SYNPO2: variants seen among roughly 807,000 people sequenced by gnomAD.
SYNPO2 encodes the protein synaptopodin-2.
SYNPO2 carries 56 observed loss-of-function variants against 85.0 expected under a neutral mutation model. That is an observed-to-expected ratio of 0.66 (90% CI 0.53 to 0.82). The LOEUF is 0.82. SYNPO2 is among the 40% of genes least tolerant of loss of function. The pLI, the probability that SYNPO2 is intolerant of heterozygous loss-of-function variation, is 0.00. For synonymous variants in SYNPO2, 602 were observed against 591.1 expected, an observed-to-expected ratio of 1.02 and a Z score of -0.27; for missense variants, 1,575 against 1,534.2, an observed-to-expected ratio of 1.03 and a Z score of -0.44.
chr4:118,975,655 G>A (rs943537804), intron 1 of SYNPO2, among the ~76,000 whole-genome samples: 3 of 152,172 alleles, frequency 2.0e-5, no homozygotes, highest in Non-Finnish European at 4.4e-5. Flanking sequence ...GTCACAAAGA[G>A]TAAGACACAC....
intron 1 of SYNPO2, among the ~76,000 whole-genome samples, chr4:118,942,618 A>C (rs62327794): frequency 0.1 from 15,758 of 152,160 alleles, 910 homozygotes; most frequent in East Asian, 0.15. Context: ...CTATAAAGAG[A>C]ATGACTCATC....
chr4:118,896,024 C>T (rs1251537701), intron 1 of SYNPO2, among the ~76,000 whole-genome samples: 2 of 151,966 alleles, frequency 1.3e-5, no homozygotes, highest in Admixed American at 6.6e-5. Context: ...AAAACTGATC[C>T]TGAAAAATAA....
chr4:119,022,738 TTA>T (rs1737783471), intron 1 of SYNPO2, among the ~76,000 whole-genome samples: 1 of 146,948 alleles, frequency 6.8e-6, no homozygotes, highest in Admixed American at 6.9e-5. Flanking sequence ...TTATTTTATT[TTA>T]TGTTTTATTT....
chr4:118,876,345 C>T (rs1731906842), intron 1 of SYNPO2, among the ~76,000 whole-genome samples: 1 of 152,200 alleles, frequency 6.6e-6, no homozygotes, highest in Admixed American at 6.5e-5. Context: ...ATTTGTGTCT[C>T]AGCTCAGGGA....
intron 1 of SYNPO2, among the ~76,000 whole-genome samples, chr4:118,874,209 A>G (rs1731857133): frequency 1.3e-5 from 2 of 152,302 alleles, no homozygotes; most frequent in South Asian, 2.1e-4. Context: ...ATTTGACATT[A>G]TAAATGTAAA....
intron 1 of SYNPO2, among the ~76,000 whole-genome samples, chr4:118,941,826 G>A (rs768563946): frequency 6.6e-6 from 1 of 152,224 alleles, no homozygotes; most frequent in Non-Finnish European, 1.5e-5. Context: ...CATTCAGAAA[G>A]CAGAAAAGAA....
At chr4:119,032,557 T>C in intron 4 of SYNPO2, 1 of 996,792 alleles carries the variant, frequency 1.0e-6, no homozygotes, top group Non-Finnish European at 1.2e-6. Context: ...TCTGTCAATC[T>C]CAGCCACCTG....
At chr4:118,922,203 T>A (rs931659286) in intron 1 of SYNPO2, among the ~76,000 whole-genome samples, 1 of 152,138 alleles carries the variant, frequency 6.6e-6, no homozygotes, top group Admixed American at 6.6e-5. Flanking sequence ...CAGTGAACCA[T>A]GTGTAGATTT....
chr4:119,027,257 A>C lies in SYNPO2; in HGVS notation c.888A>C (p.Thr296=). 1 of 1,614,140 alleles carries C rather than the reference A, an allele frequency of 6.2e-7. No individual in the cohort carries two copies. The highest frequency in any genetic ancestry group is 8.5e-7 in the Non-Finnish European group (1 of 1,180,024). ...VILDCSDRQK[T]EGCRLQAGKE... The stretch of plus-strand genomic sequence containing the variant: ...TCGACTGCTCTGACAGGCAGAAGAC[A>C]GAAGGGTGCAGGCTTCAGGCAGGAA... The change falls in exon 3 of 5, where the codon ACA becomes ACC. Residue 296 remains threonine, a synonymous_variant. Coordinates refer to ENST00000307142, the MANE Select transcript of SYNPO2 (RefSeq NM_133477.3).
At chr4:119,015,269 A>T (rs1398422469) in intron 1 of SYNPO2, among the ~76,000 whole-genome samples, 2 of 152,228 alleles carry the variant, frequency 1.3e-5, no homozygotes, top group Non-Finnish European at 2.9e-5. Context: ...AATAACTGCA[A>T]GTCCGCAGCA....
rs66895824 is a variant in SYNPO2, at chr4:119,007,216, G to GTATATATATATATA, written c.106-16198_106-16185dup. 8.9e-4 allele frequency among the ~76,000 whole-genome samples: 41 copies of GTATATATATATATA among 46,254 alleles called. 1 individual carries two copies. The highest frequency in any genetic ancestry group is 1.3e-3 in the Non-Finnish European group (30 of 23,132). The allele number at this position is 46,254 out of a possible 152,430, so 30.3% of individuals were successfully genotyped here. On this transcript the variant is annotated intron_variant, in intron 1 of 4. Coordinates refer to ENST00000307142, the MANE Select transcript of SYNPO2 (RefSeq NM_133477.3). ...ATTCCCAAAACAAAAAAGAACAAAG[G>GTATATATATATATA]TATATATATATATATATATATATAT...
At chr4:118,978,150 A>G (rs1030127806) in intron 1 of SYNPO2, among the ~76,000 whole-genome samples, 2 of 152,214 alleles carry the variant, frequency 1.3e-5, no homozygotes, top group African/African-American at 4.8e-5. Context: ...TTCTAGTTGC[A>G]ACTTGCTTCT....
At chr4:119,037,031 C>T (rs986873223) in intron 4 of SYNPO2, 19 of 1,381,526 alleles carry the variant, frequency 1.4e-5, no homozygotes, top group Non-Finnish European at 1.7e-5. Flanking sequence ...TTTTTTGGTT[C>T]CAAATGTAAA....
intron 4 of SYNPO2, chr4:119,037,468 C>A: frequency 9.5e-7 from 1 of 1,056,360 alleles, no homozygotes; most frequent in Non-Finnish European, 1.1e-6. Flanking sequence ...TTTCATTTGT[C>A]TTTTCTTCAG....
intron 1 of SYNPO2, among the ~76,000 whole-genome samples, chr4:119,020,417 A>G (rs559182573): frequency 3.4e-4 from 52 of 152,296 alleles, no homozygotes; most frequent in Middle Eastern, 6.8e-3. Context: ...AGGATGATGA[A>G]CTGCACTTTT....
intron 1 of SYNPO2, among the ~76,000 whole-genome samples, chr4:118,910,080 G>T (rs1733085888): frequency 6.6e-6 from 1 of 152,108 alleles, no homozygotes; most frequent in Admixed American, 6.5e-5. Context: ...CTAAAGTATT[G>T]ACGGTTCACC....
At chr4:118,930,917 CAAAAAAAA>C (rs55944813) in intron 1 of SYNPO2, among the ~76,000 whole-genome samples, 3 of 124,784 alleles carry the variant, frequency 2.4e-5, no homozygotes. Flanking sequence ...TACCTTGCCT[CAAAAAAAA>C]AAAAAAAAAA....
At chr4:118,924,517 G>A (rs1335167175) in intron 1 of SYNPO2, among the ~76,000 whole-genome samples, 1 of 152,106 alleles carries the variant, frequency 6.6e-6, no homozygotes, top group Non-Finnish European at 1.5e-5. Context: ...AAAGAAGCCC[G>A]AGCCCTTGGT....
intron 1 of SYNPO2, among the ~76,000 whole-genome samples, chr4:118,917,256 G>A (rs1371378582): frequency 6.6e-6 from 1 of 152,090 alleles, no homozygotes; most frequent in African/African-American, 2.4e-5. Flanking sequence ...AGCTGGGTGT[G>A]GTGGCGAGTG....
Sources: allele counts gnomAD v4.1 joint callset (sites outside exome capture counted in the v4.1 genomes callset), GRCh38; gene constraint gnomAD v4.1.1; transcripts MANE v1.5; gene names NCBI Gene and HGNC (gene_info 2026-07-23, HGNC 2026-07-21).